Variants in ATRNL1 observed in about 807,000 individuals in gnomAD.
The protein encoded by ATRNL1 is attractin like 1, also known as attractin-like protein 1.
In ATRNL1, 95 loss-of-function variants were observed where a neutral mutation model predicts 182.7. The ratio of observed to expected loss-of-function variants is 0.52; its 90% CI spans 0.44 to 0.62. ATRNL1 has a LOEUF of 0.62. Ranked by LOEUF, ATRNL1 falls within the 20% of genes least tolerant of loss-of-function variation. ATRNL1 has a pLI of 0.00. For missense variants in ATRNL1, 1,471 were observed against 1,679.5 expected (o/e 0.88, Z 2.17); for synonymous variants, 576 against 568.3 (o/e 1.01, Z -0.19).
chr10:115,615,514 A>G (rs1857383641), intron 26 of ATRNL1, among the ~76,000 whole-genome samples: 1 of 152,090 alleles, frequency 6.6e-6, no homozygotes, highest in African/African-American at 2.4e-5. Flanking sequence ...ATTCCTTTAG[A>G]TACAACTTGA....
At chr10:115,763,006 T>C (rs575774097) in intron 27 of ATRNL1, among the ~76,000 whole-genome samples, 1 of 152,282 alleles carries the variant, frequency 6.6e-6, no homozygotes, top group Admixed American at 6.5e-5. Flanking sequence ...TGTATAATAT[T>C]TGATAAAATT....
intron 19 of ATRNL1, among the ~76,000 whole-genome samples, chr10:115,336,393 A>G (rs904051964): frequency 1.3e-5 from 2 of 152,174 alleles, no homozygotes; most frequent in Admixed American, 1.3e-4. Context: ...TTTTAATTTT[A>G]TATTTCTAAA....
intron 20 of ATRNL1, among the ~76,000 whole-genome samples, chr10:115,414,679 C>CTG (rs1845303116): frequency 6.6e-6 from 1 of 151,730 alleles, no homozygotes; most frequent in Non-Finnish European, 1.5e-5. Context: ...AAAAGTAAAG[C>CTG]TGTATGAGCT....
chr10:115,905,387 A>T (rs976084374), intron 28 of ATRNL1, among the ~76,000 whole-genome samples: 1 of 142,332 alleles, frequency 7.0e-6, no homozygotes, highest in African/African-American at 2.6e-5. Flanking sequence ...CACCCAGCTA[A>T]TTTTTTTTTT....
At chr10:115,285,074 C>T (rs139599261) in intron 14 of ATRNL1, among the ~76,000 whole-genome samples, 33 of 152,116 alleles carry the variant, frequency 2.2e-4, no homozygotes, top group Admixed American at 3.9e-4. Flanking sequence ...TACTTTCCCT[C>T]GGGAAGGGAA....
chr10:115,753,050 C>G (rs1484036565), intron 27 of ATRNL1, among the ~76,000 whole-genome samples: 1 of 151,982 alleles, frequency 6.6e-6, no homozygotes, highest in African/African-American at 2.4e-5. Context: ...TCAATTTCTG[C>G]ATCTAGAAGA....
chr10:115,653,288 A>T (rs1294210405), intron 26 of ATRNL1, among the ~76,000 whole-genome samples: 2 of 152,194 alleles, frequency 1.3e-5, no homozygotes, highest in Non-Finnish European at 2.9e-5. Context: ...TATTTTGGTC[A>T]TGAGTGCCTC....
At chr10:115,361,952 T>G (rs576425969) in intron 19 of ATRNL1, among the ~76,000 whole-genome samples, 1 of 152,102 alleles carries the variant, frequency 6.6e-6, no homozygotes, top group Non-Finnish European at 1.5e-5. Context: ...CTTTACCTTT[T>G]TTATCGAAGA....
intron 9 of ATRNL1, among the ~76,000 whole-genome samples, chr10:115,232,717 A>G (rs1269266411): frequency 1.3e-5 from 2 of 151,930 alleles, no homozygotes; most frequent in African/African-American, 2.4e-5. Flanking sequence ...GTGTGTGTGC[A>G]CAACCAGAAC....
At chr10:115,266,047 A>C (rs17092922) in intron 11 of ATRNL1, among the ~76,000 whole-genome samples, 5,168 of 151,948 alleles carry the variant, frequency 0.034, 122 homozygotes, top group Non-Finnish European at 0.054. Flanking sequence ...AAACTGTGAA[A>C]CATAAAACCT....
intron 20 of ATRNL1, among the ~76,000 whole-genome samples, chr10:115,420,113 G>A (rs1022587388): frequency 6.9e-6 from 1 of 144,974 alleles, no homozygotes; most frequent in African/African-American, 2.6e-5. Context: ...GTGCTATCTC[G>A]GCTTAGTGCA....
intron 24 of ATRNL1, among the ~76,000 whole-genome samples, chr10:115,484,573 G>A (rs557337213): frequency 5.3e-5 from 8 of 151,604 alleles, no homozygotes; most frequent in African/African-American, 1.9e-4. Flanking sequence ...TTCCCAATGA[G>A]TGCTTCTTTA....
At position 115,566,718 on chromosome 10, in the gene ATRNL1, A is replaced by AT. The variant is rs200025952; in HGVS notation, c.3795+17189dup. Among the ~76,000 whole-genome samples the AT allele has an allele frequency of 1.4e-3, 210 of 152,130 alleles. 3 individuals carry two copies. In the East Asian group the frequency reaches 0.04, roughly 29 times the overall value. On this transcript the variant is annotated intron_variant, in intron 26 of 28. Coordinates refer to ENST00000355044, the MANE Select transcript of ATRNL1 (RefSeq NM_207303.4). Reference sequence around the variant, plus strand: ...ACTGCCCAGGTACTTAGATTATTGGATTTTTTTACATATACTATATTTAGA... The same window carrying AT: ...ACTGCCCAGGTACTTAGATTATTGGATTTTTTTTACATATACTATATTTAGA...
intron 28 of ATRNL1, among the ~76,000 whole-genome samples, chr10:115,905,594 T>C (rs1469300403): frequency 6.6e-6 from 1 of 152,150 alleles, no homozygotes; most frequent in Non-Finnish European, 1.5e-5. Context: ...GACCTGTGAA[T>C]ATAAATTCAA....
intron 19 of ATRNL1, among the ~76,000 whole-genome samples, chr10:115,337,328 A>G (rs1346970780): frequency 1.3e-5 from 2 of 152,164 alleles, no homozygotes; most frequent in South Asian, 2.1e-4. Context: ...CCTTTGTGTT[A>G]CAAAGAATCT....
intron 25 of ATRNL1, among the ~76,000 whole-genome samples, chr10:115,543,539 A>G (rs1852479415): frequency 6.6e-6 from 1 of 152,150 alleles, no homozygotes; most frequent in Non-Finnish European, 1.5e-5. Context: ...ATCTTTTAAA[A>G]TATGTACTTA....
intron 26 of ATRNL1, among the ~76,000 whole-genome samples, chr10:115,655,624 G>A (rs569889483): frequency 6.6e-6 from 1 of 152,240 alleles, no homozygotes; most frequent in African/African-American, 2.4e-5. Context: ...CTCTGAGGTG[G>A]CAGCAAGAAC....
intron 26 of ATRNL1, among the ~76,000 whole-genome samples, chr10:115,611,894 T>C (rs1172213726): frequency 6.6e-6 from 1 of 152,092 alleles, no homozygotes; most frequent in Non-Finnish European, 1.5e-5. Flanking sequence ...AAGAACTAAA[T>C]TGACAAGAGA....
At chr10:115,717,075 T>C (rs1284763922) in intron 26 of ATRNL1, among the ~76,000 whole-genome samples, 1 of 152,184 alleles carries the variant, frequency 6.6e-6, no homozygotes, top group Non-Finnish European at 1.5e-5. Flanking sequence ...TTTGATTTGC[T>C]CAGATAAATT....
Sources: gnomAD v4.1 joint callset for allele counts (sites outside exome capture counted in the v4.1 genomes callset) on GRCh38, gnomAD v4.1.1 for gene constraint, MANE v1.5 for transcripts, NCBI Gene and HGNC (gene_info 2026-07-23, HGNC 2026-07-21) for gene names.